The following THSD7B variants were observed in gnomAD, a reference collection of about 807,000 sequenced individuals.
THSD7B encodes the protein thrombospondin type 1 domain containing 7B.
In THSD7B, 138 loss-of-function variants were observed where a neutral mutation model predicts 213.6. That is an observed-to-expected ratio of 0.65 (90% confidence interval 0.56 to 0.74). The LOEUF is 0.74. THSD7B is among the 30% of genes least tolerant of loss of function. The probability of loss-of-function intolerance (pLI) is 0.00; values close to 1 mark genes in which losing one functional copy is unlikely to be tolerated. For synonymous variants in THSD7B, 742 were observed against 687.0 expected (o/e 1.08, Z -1.25); for missense variants, 1,931 against 1,991.5 (o/e 0.97, Z 0.58).
At chr2:136,779,742 G>A (rs12619183) in intron 1 of THSD7B, among the ~76,000 whole-genome samples, 99,473 of 152,088 alleles carry the variant, frequency 0.65, 32,682 homozygotes, top group East Asian at 0.8. Context: ...TTCAACATGT[G>A]ATACATGGGA....
At chr2:137,423,786 G>A (rs1686980017) in intron 14 of THSD7B, among the ~76,000 whole-genome samples, 1 of 152,020 alleles carries the variant, frequency 6.6e-6, no homozygotes, top group Admixed American at 6.6e-5. Flanking sequence ...AGCTTAGCTA[G>A]CTTTTTTGAA....
Position 137,271,395 on chromosome 2 carries a change from T to TA in THSD7B, c.2267-1138_2267-1137insA, listed in dbSNP as rs566704564. On this transcript the variant is annotated intron_variant, in intron 10 of 27. Coordinates refer to ENST00000409968, the MANE Select transcript of THSD7B (RefSeq NM_001316349.2). ...CATTCATATATATATATATTATGAA[T>TA]TATATATATATGAATTATAATATAT... is the stretch of plus-strand genomic sequence containing the variant. Among the ~76,000 whole-genome samples, 117 of 137,920 alleles carry TA rather than the reference T, an allele frequency of 8.5e-4. 2 individuals are homozygous for TA. In the East Asian group the frequency reaches 0.019, roughly 22 times the overall value. 90.5% of individuals were successfully genotyped at this position (137,920 alleles called of 152,430 possible).
chr2:137,639,255 G>A (rs918272053), intron 20 of THSD7B, among the ~76,000 whole-genome samples: 2 of 152,128 alleles, frequency 1.3e-5, no homozygotes, highest in South Asian at 2.1e-4. Context: ...CATGAAGCTC[G>A]GGCTGTGGCT....
chr2:136,785,902 G>A (rs1200315933), intron 1 of THSD7B, among the ~76,000 whole-genome samples: 1 of 152,004 alleles, frequency 6.6e-6, no homozygotes, highest in East Asian at 2.0e-4. Flanking sequence ...AGTAGATTAA[G>A]TCAAGGACCA....
rs529496694 is a variant in THSD7B at position 137,393,586 on chromosome 2, G to A, written c.2501-12027G>A. ...TGTTGGACATTTGGGTTGGTTCCAA[G>A]TCTTTGCTATTGTGAATAATGCCTC... On this transcript the variant is annotated intron_variant, in intron 12 of 27. Transcript: ENST00000409968. Among the ~76,000 whole-genome samples the A allele has an allele frequency of 2.3e-3, 338 of 147,368 alleles. 1 individual carries two copies. The highest frequency in any genetic ancestry group is 7.6e-3 in the African/African-American group (304 of 40,000).
intron 9 of THSD7B, among the ~76,000 whole-genome samples, chr2:137,236,762 A>G (rs1399847420): frequency 6.6e-6 from 1 of 152,014 alleles, no homozygotes; most frequent in Non-Finnish European, 1.5e-5. Context: ...GGTGTAGCTA[A>G]AAAATGGCAG....
At position 137,307,896 on chromosome 2, in the gene THSD7B, T is replaced by C. The variant is rs187822933; in HGVS notation, c.2500+31870T>C. Among the ~76,000 whole-genome samples, 4 of 152,162 alleles carry C rather than the reference T, an allele frequency of 2.6e-5. No individual in the cohort carries two copies. In the East Asian group the frequency reaches 7.8e-4, roughly 30 times the overall value. On this transcript the variant is annotated intron_variant, in intron 12 of 27. Coordinates refer to ENST00000409968, the MANE Select transcript of THSD7B (RefSeq NM_001316349.2). ...GACCCTCTCTGGAGACTGTCTCTTA[T>C]AATACAAGGAGTCTTATAGGTTCCT...
chr2:137,459,974 C>T (rs1687853167), intron 15 of THSD7B, among the ~76,000 whole-genome samples: 1 of 152,136 alleles, frequency 6.6e-6, no homozygotes, highest in Non-Finnish European at 1.5e-5. Context: ...CCCAATGAAG[C>T]CATCATTTCT....
chr2:136,888,944 G>GT (rs1558839214), intron 2 of THSD7B, among the ~76,000 whole-genome samples: 22 of 72,872 alleles, frequency 3.0e-4, no homozygotes, highest in African/African-American at 7.8e-4. Context: ...TGTCTTTTGG[G>GT]GTGTGTGTGT....
chr2:137,676,076 A>AC (rs1358021330), intron 27 of THSD7B, among the ~76,000 whole-genome samples: 1 of 152,114 alleles, frequency 6.6e-6, no homozygotes, highest in Non-Finnish European at 1.5e-5. Context: ...TTCCTGACAC[A>AC]CTCTGGCATC....
chr2:136,767,703 G>A (rs1681431574), intron 1 of THSD7B, among the ~76,000 whole-genome samples: 2 of 152,130 alleles, frequency 1.3e-5, no homozygotes, highest in Admixed American at 1.3e-4. Context: ...CAGCAGCCCT[G>A]AACACCTACA....
chr2:137,453,194 G>A (rs976083532), intron 15 of THSD7B, among the ~76,000 whole-genome samples: 5 of 151,896 alleles, frequency 3.3e-5, no homozygotes, highest in East Asian at 1.9e-4. Context: ...TTTATTTATT[G>A]TAAGTTGACA....
At chr2:137,018,473 T>G (rs1402710355) in intron 2 of THSD7B, among the ~76,000 whole-genome samples, 1 of 152,104 alleles carries the variant, frequency 6.6e-6, no homozygotes, top group African/African-American at 2.4e-5. Flanking sequence ...CCCTAAAAAC[T>G]GGAAAATTTT....
At chr2:136,803,916 C>G (rs571514502) in intron 1 of THSD7B, among the ~76,000 whole-genome samples, 11 of 152,272 alleles carry the variant, frequency 7.2e-5, no homozygotes, top group African/African-American at 2.6e-4. Context: ...CCTTTTTGTT[C>G]TATCGAGGCC....
rs149789377 is a variant in THSD7B at position 136,868,741 on chromosome 2, C to T, written c.-35-13403C>T. ...CCTTAGAGTAACCGTTAAATGTCAG[C>T]CTACATAAAATCTCTCTTTCTCGAC... On this transcript the variant is annotated intron_variant, in intron 1 of 27. Transcript: ENST00000409968. 1.2e-3 allele frequency among the ~76,000 whole-genome samples: 186 copies of T among 152,116 alleles called. 1 individual carries two copies. Among genetic ancestry groups the T allele is most frequent in the African/African-American group, 4.3e-3 (178 of 41,526 alleles).
intron 15 of THSD7B, among the ~76,000 whole-genome samples, chr2:137,455,605 C>T (rs911489612): frequency 7.2e-5 from 11 of 152,156 alleles, no homozygotes; most frequent in African/African-American, 2.4e-4. Flanking sequence ...CAGCAATACT[C>T]GAGTAGCTTT....
intron 12 of THSD7B, among the ~76,000 whole-genome samples, chr2:137,296,331 A>C (rs1000142870): frequency 6.6e-6 from 1 of 152,120 alleles, no homozygotes; most frequent in African/African-American, 2.4e-5. Flanking sequence ...GTTTCTTAAA[A>C]ATTTTATATG....
chr2:137,444,493 C>T (rs1159124004), intron 14 of THSD7B, among the ~76,000 whole-genome samples: 2 of 151,766 alleles, frequency 1.3e-5, no homozygotes, highest in African/African-American at 4.8e-5. Flanking sequence ...TAGTATAGTG[C>T]ATTTTTACTA....
chr2:137,072,018 G>C (rs539375378), intron 3 of THSD7B, among the ~76,000 whole-genome samples: 48 of 152,326 alleles, frequency 3.2e-4, no homozygotes, highest in African/African-American at 1.1e-3. Context: ...TAGCCTTGTA[G>C]TATAGTTTGA....
Sources: gnomAD v4.1 joint callset for allele counts (sites outside exome capture counted in the v4.1 genomes callset) on GRCh38, gnomAD v4.1.1 for gene constraint, MANE v1.5 for transcripts, NCBI Gene and HGNC (gene_info 2026-07-23, HGNC 2026-07-21) for gene names.